The following CNTN5 variants were observed in gnomAD, a reference collection of about 807,000 sequenced individuals.
CNTN5 encodes the protein contactin 5.
A neutral mutation model predicts 129.1 loss-of-function variants in CNTN5; 77 were observed. The observed-to-expected ratio is 0.60, with a 90% CI of 0.50 to 0.72. CNTN5 has a LOEUF of 0.72. Among genes scored for constraint, CNTN5 ranks in the 30% least tolerant of loss-of-function variants. The pLI, the probability that CNTN5 is intolerant of heterozygous loss-of-function variation, is 0.00. For synonymous variants in CNTN5, 509 were observed against 465.6 expected, an observed-to-expected ratio of 1.09 and a Z score of -1.20; for missense variants, 1,478 against 1,328.8, an observed-to-expected ratio of 1.11 and a Z score of -1.75.
At chr11:100,253,150 CT>C (rs2138717801) in intron 16 of CNTN5, among the ~76,000 whole-genome samples, 1 of 151,180 alleles carries the variant, frequency 6.6e-6, no homozygotes, top group South Asian at 2.1e-4. Flanking sequence ...TATGTGTTCC[CT>C]AACACATACT....
In CNTN5 at chr11:100,021,506, A is replaced by C. The variant is rs556046123; in HGVS notation, c.980+19370A>C. On this transcript the variant is annotated intron_variant, in intron 9 of 24. Transcript: ENST00000524871. ...TTTGAATCTCTATTATATAGTGTAC[A>C]TACTTTAGGATGTTTATGCTTCTCG... Among the ~76,000 whole-genome samples, 55 of 152,298 alleles carry C rather than the reference A, an allele frequency of 3.6e-4. No homozygotes were observed. The South Asian group carries it at 4.6e-3, about 13-fold the overall frequency.
chr11:99,125,541 A>G (rs1172934684), intron 1 of CNTN5, among the ~76,000 whole-genome samples: 1 of 152,148 alleles, frequency 6.6e-6, no homozygotes, highest in Non-Finnish European at 1.5e-5. Context: ...GAAAACTGGA[A>G]GAGGACAAGG....
Position 99,404,651 on chromosome 11 carries a change from C to T in CNTN5, c.-71+79167C>T, listed in dbSNP as rs112672006. On this transcript the variant is annotated intron_variant, in intron 2 of 24. Coordinates refer to ENST00000524871, the MANE Select transcript of CNTN5 (RefSeq NM_014361.4). Reference sequence around the variant, plus strand: ...AAACAAGGCTAGTAAAGACTGTATGCCTTAACTTCATCCTTGTGCTTTTTA... The same window carrying T: ...AAACAAGGCTAGTAAAGACTGTATGTCTTAACTTCATCCTTGTGCTTTTTA... Among the ~76,000 whole-genome samples, 113 of 152,128 alleles carry T rather than the reference C, an allele frequency of 7.4e-4. 1 individual carries two copies. The highest frequency in any genetic ancestry group is 2.6e-3 in the African/African-American group (109 of 41,522).
intron 4 of CNTN5, among the ~76,000 whole-genome samples, chr11:99,823,412 A>C (rs1946859863): frequency 6.6e-6 from 1 of 151,974 alleles, no homozygotes; most frequent in Non-Finnish European, 1.5e-5. Flanking sequence ...TTGTTTATTC[A>C]GGTCTTGATT....
rs145311160 is a variant in CNTN5 at position 100,213,408 on chromosome 11, T to C, written c.1885-11284T>C. 5.9e-3 allele frequency among the ~76,000 whole-genome samples: 897 copies of C among 152,314 alleles called. 10 individuals carry two copies. The highest frequency in any genetic ancestry group is 0.02 in the African/African-American group (845 of 41,586). ...TCTTGTAATACTGGAAGCTGTATTATACAGTTAGAGAACAATGAGCAGTAG... is the reference window on the plus strand; with the variant it reads ...TCTTGTAATACTGGAAGCTGTATTACACAGTTAGAGAACAATGAGCAGTAG... On this transcript the variant is annotated intron_variant, in intron 15 of 24. Transcript: ENST00000524871.
chr11:99,293,018 G>A (rs1425188301), intron 1 of CNTN5, among the ~76,000 whole-genome samples: 1 of 152,088 alleles, frequency 6.6e-6, no homozygotes, highest in Non-Finnish European at 1.5e-5. Flanking sequence ...TGTTCATAGT[G>A]GCATAAACAA....
intron 3 of CNTN5, among the ~76,000 whole-genome samples, chr11:99,687,644 T>C (rs373323558): frequency 6.6e-6 from 1 of 152,186 alleles, no homozygotes; most frequent in Admixed American, 6.5e-5. Flanking sequence ...TTAGGCTTTA[T>C]GAAAATGAAT....
chr11:100,074,337 T>C, intron 13 of CNTN5, 43 bp downstream of exon 13: 1 of 1,509,970 alleles, frequency 6.6e-7, no homozygotes, highest in Non-Finnish European at 9.0e-7. Flanking sequence ...TTAGACTTTT[T>C]TGAGGTTACA....
chr11:99,777,893 T>C (rs1945180561), intron 3 of CNTN5, among the ~76,000 whole-genome samples: 1 of 151,866 alleles, frequency 6.6e-6, no homozygotes. Flanking sequence ...TATATAATAC[T>C]ACATGTGAAA....
chr11:100,128,633 GCA>G (rs1555016283), intron 13 of CNTN5, among the ~76,000 whole-genome samples: 1 of 152,110 alleles, frequency 6.6e-6, no homozygotes, highest in Non-Finnish European at 1.5e-5. Flanking sequence ...TAGTAGAAAG[GCA>G]CAGAGAGATA....
At chr11:100,212,467 T>A (rs1949053341) in intron 15 of CNTN5, among the ~76,000 whole-genome samples, 1 of 152,178 alleles carries the variant, frequency 6.6e-6, no homozygotes, top group East Asian at 1.9e-4. Flanking sequence ...AACAAAACTA[T>A]TTTTAATTTA....
chr11:99,654,626 T>A (rs1423884804), intron 3 of CNTN5, among the ~76,000 whole-genome samples: 1 of 152,096 alleles, frequency 6.6e-6, no homozygotes, highest in Non-Finnish European at 1.5e-5. Flanking sequence ...CCTGAGTTGT[T>A]GTTAAATTAA....
intron 13 of CNTN5, among the ~76,000 whole-genome samples, chr11:100,140,295 A>G (rs183929123): frequency 2.0e-3 from 301 of 152,316 alleles, no homozygotes; most frequent in Non-Finnish European, 3.0e-3. Flanking sequence ...GTGCAGGCAT[A>G]GAGGAGGTGG....
chr11:99,207,612 G>T (rs1488421863), intron 1 of CNTN5, among the ~76,000 whole-genome samples: 2 of 152,054 alleles, frequency 1.3e-5, no homozygotes, highest in African/African-American at 4.8e-5. Flanking sequence ...GATGGATTTT[G>T]CCAATAATAC....
At chr11:99,316,510 A>T (rs1177272972) in intron 1 of CNTN5, among the ~76,000 whole-genome samples, 1 of 152,148 alleles carries the variant, frequency 6.6e-6, no homozygotes, top group Non-Finnish European at 1.5e-5. Context: ...AGTGATGAAA[A>T]TAAACATTTA....
chr11:99,228,426 C>T (rs551537072), intron 1 of CNTN5, among the ~76,000 whole-genome samples: 1 of 151,978 alleles, frequency 6.6e-6, no homozygotes, highest in African/African-American at 2.4e-5. Context: ...AATAGCAGAG[C>T]AGGGTGATGG....
At chr11:99,580,482 C>G (rs1251451834) in intron 3 of CNTN5, among the ~76,000 whole-genome samples, 1 of 152,084 alleles carries the variant, frequency 6.6e-6, no homozygotes, top group South Asian at 2.1e-4. Flanking sequence ...GGTTGGTAAT[C>G]TATTAATTAT....
At chr11:99,077,528 T>C (rs1210907484) in intron 1 of CNTN5, among the ~76,000 whole-genome samples, 1 of 152,162 alleles carries the variant, frequency 6.6e-6, no homozygotes, top group Non-Finnish European at 1.5e-5. Flanking sequence ...AGATAGAAAA[T>C]GACCAAATTC....
intron 2 of CNTN5, among the ~76,000 whole-genome samples, chr11:99,493,125 C>T (rs1000495749): frequency 1.3e-5 from 2 of 152,134 alleles, no homozygotes; most frequent in African/African-American, 4.8e-5. Flanking sequence ...GTCCTGAACC[C>T]CATCGCTTTG....
Sources: gnomAD v4.1 joint callset for allele counts (sites outside exome capture counted in the v4.1 genomes callset) on GRCh38, gnomAD v4.1.1 for gene constraint, MANE v1.5 for transcripts, NCBI Gene and HGNC (gene_info 2026-07-23, HGNC 2026-07-21) for gene names.